PCDHGA2: variants seen among roughly 807,000 people sequenced by gnomAD.
PCDHGA2 encodes protocadherin gamma-A2.
PCDHGA2 carries 40 observed loss-of-function variants against 59.2 expected under a neutral mutation model. The ratio of observed to expected loss-of-function variants is 0.68; its 90% CI spans 0.52 to 0.88. PCDHGA2 has a LOEUF of 0.88. Among genes scored for constraint, PCDHGA2 ranks in the 40% least tolerant of loss-of-function variants. The probability of loss-of-function intolerance (pLI) is 0.00; values close to 1 mark genes in which losing one functional copy is unlikely to be tolerated. For synonymous variants in PCDHGA2, 560 were observed against 526.0 expected (o/e 1.06, Z -0.89); for missense variants, 1,226 against 1,204.0 (o/e 1.02, Z -0.27).
At chr5:141,393,319 G>A (rs2092728293) in intron 1 of PCDHGA2, 1 of 1,612,192 alleles carries the variant, frequency 6.2e-7, no homozygotes, top group Admixed American at 1.7e-5. Flanking sequence ...TCCCTCCAGA[G>A]CTACCAGCTC....
intron 1 of PCDHGA2, among the ~76,000 whole-genome samples, chr5:141,469,667 T>C (rs62379201): frequency 0.22 from 32,952 of 152,218 alleles, 3,707 homozygotes; most frequent in African/African-American, 0.28. Flanking sequence ...CTTGTTCTAA[T>C]AAAACTACAT....
intron 1 of PCDHGA2, chr5:141,419,715 T>C: frequency 6.2e-7 from 1 of 1,613,288 alleles, no homozygotes. Flanking sequence ...CTCTTCAGCC[T>C]GGGGCTGCGA....
intron 1 of PCDHGA2, among the ~76,000 whole-genome samples, chr5:141,445,415 C>A (rs1235584061): frequency 6.6e-6 from 1 of 152,140 alleles, no homozygotes; most frequent in Non-Finnish European, 1.5e-5. Context: ...TAACTGTCTG[C>A]TATATGCAAG....
At position 141,340,624 on chromosome 5, in the gene PCDHGA2, C is replaced by T. The variant is rs139317352; in HGVS notation, c.1653C>T (p.Phe551=). Residue 551 remains phenylalanine (F), a synonymous_variant, in exon 1 of 4, where the codon TTC becomes TTT. Transcript: ENST00000394576. ...PLSSNVSLSL[F]VLDQNDNAPE... is the part of the protein sequence containing the mutation. Reference sequence around the variant, plus strand: ...GTAGCAATGTATCATTAAGCCTGTTCGTGCTGGACCAGAACGACAACGCGC... The same window carrying T: ...GTAGCAATGTATCATTAAGCCTGTTTGTGCTGGACCAGAACGACAACGCGC... The T allele has an allele frequency of 1.0e-4, 162 of 1,614,118 alleles. No individual in the cohort carries two copies. The highest frequency in any genetic ancestry group is 1.2e-4 in the Non-Finnish European group (147 of 1,180,054).
chr5:141,349,712 T>G (rs895144903), intron 1 of PCDHGA2, among the ~76,000 whole-genome samples: 80 of 152,232 alleles, frequency 5.3e-4, no homozygotes, highest in Non-Finnish European at 1.5e-4. Context: ...CAACTAAAAA[T>G]ATAAATAAAA....
chr5:141,339,737 C>T lies in PCDHGA2; in HGVS notation c.766C>T (p.Leu256Phe). The T allele has an allele frequency of 1.9e-6, 3 of 1,614,088 alleles. No homozygotes were observed. Among genetic ancestry groups the T allele is most frequent in the Non-Finnish European group, 8.5e-7 (1 of 1,179,970 alleles). Residue 256 changes from leucine to phenylalanine, a missense_variant, in exon 1 of 4, where the codon CTC becomes TTC. Leu to Phe is a conservative substitution (Grantham distance 22). Coordinates refer to ENST00000394576, the MANE Select transcript of PCDHGA2 (RefSeq NM_018915.4). ...EYRISIPENT[L>F]VGTRILTVTA... ...CCGCATAAGCATTCCGGAGAATACGCTCGTGGGCACCCGGATACTCACGGT... is the reference window on the plus strand; with the variant it reads ...CCGCATAAGCATTCCGGAGAATACGTTCGTGGGCACCCGGATACTCACGGT...
chr5:141,373,015 TG>T (rs1769262754), intron 1 of PCDHGA2, among the ~76,000 whole-genome samples: 1 of 152,232 alleles, frequency 6.6e-6, no homozygotes, highest in Non-Finnish European at 1.5e-5. Flanking sequence ...AGCCTCCTTT[TG>T]ATAGTCTTGA....
chr5:141,339,979 G>T lies in PCDHGA2; in HGVS notation c.1008G>T (p.Thr336=), dbSNP rs758389065. Reference sequence around the variant, plus strand: ...TAACCAGAGCGAAGGTTATCGTCACGGTTCTGGATGTGAATGACAATGCCC... The same window carrying T: ...TAACCAGAGCGAAGGTTATCGTCACTGTTCTGGATGTGAATGACAATGCCC... ...GLLTRAKVIV[T]VLDVNDNAPE... is the part of the protein sequence containing the mutation. The change falls in exon 1 of 4, where the codon ACG becomes ACT. Residue 336 remains threonine, a synonymous_variant. Transcript: ENST00000394576. 6.2e-7 allele frequency: 1 copy of T among 1,614,004 alleles called. No homozygotes were observed. Among genetic ancestry groups the T allele is most frequent in the Non-Finnish European group, 8.5e-7 (1 of 1,180,006 alleles).
intron 1 of PCDHGA2, chr5:141,370,835 C>A: frequency 6.2e-7 from 1 of 1,613,964 alleles, no homozygotes; most frequent in Non-Finnish European, 8.5e-7. Flanking sequence ...AACTGGCTCT[C>A]ACTGGAGCCA....
At position 141,432,273 on chromosome 5, in the gene PCDHGA2, T is replaced by G. The variant is rs199937628; in HGVS notation, c.2425-62534T>G. 6.8e-6 allele frequency: 11 copies of G among 1,614,238 alleles called. No individual in the cohort carries two copies. In the Admixed American group the frequency reaches 1.7e-4, roughly 24 times the overall value. ...CAAGGGGCAAGCCTATCGTCCTACG[T>G]GTCCATCAACTCCGACACTGGGGTA... On this transcript the variant is annotated intron_variant, in intron 1 of 3. Coordinates refer to ENST00000394576, the MANE Select transcript of PCDHGA2 (RefSeq NM_018915.4). This position sits in a 1 kb window ranked among gnomAD's most constrained non-coding sequence, Gnocchi z 6.0.
At chr5:141,356,124 T>C (rs1402643730) in intron 1 of PCDHGA2, 3 of 1,613,758 alleles carry the variant, frequency 1.9e-6, no homozygotes, top group Non-Finnish European at 2.5e-6. Flanking sequence ...GGGGTCTAGA[T>C]TATGAGGACT....
chr5:141,403,512 A>G (rs751429629), intron 1 of PCDHGA2: 2 of 1,614,020 alleles, frequency 1.2e-6, no homozygotes, highest in Non-Finnish European at 1.7e-6. Context: ...ACTGGAGACA[A>G]TGGAGCCATA....
rs994726301 is a variant in PCDHGA2, at chr5:141,476,632, T to C, written c.2425-18175T>C. ...TGGGAAGCAACTCTTTACAAACCTA[T>C]GAGCTGAGCCGAAATGAATACTTTG... On this transcript the variant is annotated intron_variant, in intron 1 of 3. Transcript: ENST00000394576. The surrounding 1 kb of genome is among the most constrained non-coding windows in gnomAD (Gnocchi z 7.6). The C allele has an allele frequency of 8.7e-6, 14 of 1,614,098 alleles. No homozygotes were observed. Among genetic ancestry groups the C allele is most frequent in the Admixed American group, 1.7e-5 (1 of 60,016 alleles).
intron 1 of PCDHGA2, chr5:141,350,526 G>C (rs1382395095): frequency 1.2e-6 from 2 of 1,614,020 alleles, no homozygotes; most frequent in Non-Finnish European, 1.7e-6. Flanking sequence ...AGGATAGATC[G>C]AGAGAAGATT....
chr5:141,398,813 G>A (rs779872602), intron 1 of PCDHGA2: 11 of 1,613,838 alleles, frequency 6.8e-6, no homozygotes, highest in Admixed American at 3.3e-5. Flanking sequence ...ACTGAGCTCC[G>A]GATCCAGGTA....
chr5:141,368,022 A>C lies in PCDHGA2; in HGVS notation c.2424+26627A>C, dbSNP rs148102234. 3.7e-3 allele frequency among the ~76,000 whole-genome samples: 559 copies of C among 152,344 alleles called. 6 individuals are homozygous for C. Among genetic ancestry groups the C allele is most frequent in the African/African-American group, 0.013 (529 of 41,584 alleles). On this transcript the variant is annotated intron_variant, in intron 1 of 3. Coordinates refer to ENST00000394576, the MANE Select transcript of PCDHGA2 (RefSeq NM_018915.4). ...AATGAAATACTGGCCTATGTGCCTC[A>C]AATTCCAGGAGGATGTGTTATGTAA...
In PCDHGA2 at chr5:141,485,031, C is replaced by A; in HGVS notation, c.2425-9776C>A. On this transcript the variant is annotated intron_variant, in intron 1 of 3. Coordinates refer to ENST00000394576, the MANE Select transcript of PCDHGA2 (RefSeq NM_018915.4). The surrounding 1 kb of genome is among the most constrained non-coding windows in gnomAD (Gnocchi z 5.7). Reference sequence around the variant, plus strand: ...TACCCCGCCACCAGCAAAAACGGCGCGTAACCCTTGCGGCGCCGGCCGAAC... The same window carrying A: ...TACCCCGCCACCAGCAAAAACGGCGAGTAACCCTTGCGGCGCCGGCCGAAC... The A allele has an allele frequency of 1.5e-6, 1 of 680,514 alleles. No homozygotes were observed. Among genetic ancestry groups the A allele is most frequent in the South Asian group, 1.8e-5 (1 of 54,868 alleles). 42.2% of individuals were successfully genotyped at this position (680,514 alleles called of 1,614,324 possible). A position where few individuals can be genotyped will look rare whatever the true frequency, so the allele number is the denominator to read the frequency against.
chr5:141,368,807 G>A (rs1237062065), intron 1 of PCDHGA2, among the ~76,000 whole-genome samples: 1 of 152,082 alleles, frequency 6.6e-6, no homozygotes, highest in Admixed American at 6.5e-5. Context: ...ACTAATTGAA[G>A]TGTTCATACA....
chr5:141,352,383 C>T (rs1758995476), intron 1 of PCDHGA2: 1 of 1,613,918 alleles, frequency 6.2e-7, no homozygotes, highest in Admixed American at 1.7e-5. Context: ...CTAGCGATCG[C>T]CCTGCGCCTG....
Sources: gnomAD v4.1 joint callset for allele counts (sites outside exome capture counted in the v4.1 genomes callset) on GRCh38, gnomAD v4.1.1 for gene constraint, Gnocchi (gnomAD v3.1) non-coding constraint, MANE v1.5 for transcripts, NCBI Gene and HGNC (gene_info 2026-07-23, HGNC 2026-07-21) for gene names.